Variants in SEC16A observed in about 807,000 individuals in gnomAD.
SEC16A encodes SEC16 homolog A, endoplasmic reticulum export factor, also known as protein transport protein Sec16A.
Under a neutral mutation model 221.9 loss-of-function variants are expected in SEC16A, and 110 were observed. The observed-to-expected ratio is 0.50, with a 90% CI of 0.42 to 0.58. The LOEUF is 0.58. SEC16A is among the 20% of genes least tolerant of loss of function. The pLI is 0.00. For missense variants in SEC16A, 3,165 were observed against 3,097.8 expected, an observed-to-expected ratio of 1.02 and a Z score of -0.52; for synonymous variants, 1,393 against 1,257.7, an observed-to-expected ratio of 1.11 and a Z score of -2.28.
intron 13 of SEC16A, 39 bp downstream of exon 13, chr9:136,461,138 C>A: frequency 6.6e-7 from 1 of 1,517,842 alleles, no homozygotes; most frequent in Admixed American, 1.9e-5. Context: ...AGGGAGCCAG[C>A]AGGGCTCGCC....
chr9:136,458,424 C>G (rs1261976689), intron 17 of SEC16A, among the ~76,000 whole-genome samples: 2 of 147,418 alleles, frequency 1.4e-5, no homozygotes, highest in Non-Finnish European at 3.0e-5. Context: ...GTCAGGAGAT[C>G]AAGACCATCC....
At chr9:136,478,939 C>T (rs1841988217) in intron 1 of SEC16A, among the ~76,000 whole-genome samples, 109 bp from the exon 2 acceptor site, 1 of 149,018 alleles carries the variant, frequency 6.7e-6, no homozygotes, top group Non-Finnish European at 1.5e-5. Context: ...CTTCATAGGT[C>T]TCCGTTTTTG....
rs1196270981 is a variant in SEC16A, at chr9:136,466,073, A to C, written c.4192T>G (p.Ser1398Ala). 6 of 1,612,756 alleles carry C rather than the reference A, an allele frequency of 3.7e-6. No individual in the cohort carries two copies. The highest frequency in any genetic ancestry group is 4.2e-6 in the Non-Finnish European group (5 of 1,179,238). Reference sequence around the variant, plus strand: ...CCGTAGGCAAAATCGCCGTGAAAGGAGCCTGGAGGAAGCGGGGCCTCGTAG... The same window carrying C: ...CCGTAGGCAAAATCGCCGTGAAAGGCGCCTGGAGGAAGCGGGGCCTCGTAG... ...GSYEAPLPPG[S>A]FHGDFAYGTY... The change falls in exon 8 of 32, where the codon TCC (serine) becomes GCC (alanine). Residue 1398 changes from serine to alanine, a missense_variant. Physicochemically the swap from Ser to Ala is moderately conservative, Grantham distance 99. This residue lies in a region of SEC16A where 2,030 missense variants were observed against 1,923.1 expected (regional missense o/e 1.06). Transcript: ENST00000684901. This position sits in a 1 kb window ranked among gnomAD's most constrained non-coding sequence, Gnocchi z 5.5.
intron 17 of SEC16A, among the ~76,000 whole-genome samples, chr9:136,458,830 G>A (rs531984119): frequency 6.6e-6 from 1 of 152,070 alleles, no homozygotes; most frequent in Non-Finnish European, 1.5e-5. Flanking sequence ...GGAGGCTGAG[G>A]TGAATCACTT....
intron 2 of SEC16A, among the ~76,000 whole-genome samples, chr9:136,477,993 C>G (rs1841870121): frequency 6.6e-6 from 1 of 152,196 alleles, no homozygotes; most frequent in Non-Finnish European, 1.5e-5. Flanking sequence ...ACCCGCGCCA[C>G]AACAACAGGG....
At chr9:136,441,963 T>C in intron 31 of SEC16A, 140 bp from the exon 32 acceptor site, 4 of 720,860 alleles carry the variant, frequency 5.5e-6, no homozygotes, top group African/African-American at 5.3e-5. Flanking sequence ...TCGTTTTTGT[T>C]TCCAAAAGCC....
intron 18 of SEC16A, among the ~76,000 whole-genome samples, chr9:136,456,773 C>T (rs948443303): frequency 3.3e-5 from 5 of 152,202 alleles, no homozygotes; most frequent in Non-Finnish European, 7.3e-5. Context: ...GTTTTACAGG[C>T]GAAGAAACTG....
upstream of SEC16A, chr9:136,483,945 C>A (rs1164565534): frequency 3.7e-6 from 1 of 273,784 alleles, no homozygotes; most frequent in Non-Finnish European, 5.6e-6. Flanking sequence ...CCCTGGCCAG[C>A]GTCCTGGGGT....
At position 136,474,130 on chromosome 9, in the gene SEC16A, G is replaced by A. The variant is rs781273992; in HGVS notation, c.3486C>T (p.Tyr1162=). ...PPQDLAAYYY[Y]RPLYDAYQPQ... Reference sequence around the variant, plus strand: ...GCTGGTAGGCATCGTACAAAGGCCGGTAGTAGTAGTAGGCGGCCAGGTCCT... The same window carrying A: ...GCTGGTAGGCATCGTACAAAGGCCGATAGTAGTAGTAGGCGGCCAGGTCCT... Residue 1162 remains tyrosine, a synonymous_variant, in exon 3 of 32, where the codon TAC becomes TAT. Coordinates refer to ENST00000684901, the MANE Select transcript of SEC16A (RefSeq NM_014866.2). The A allele has an allele frequency of 1.9e-6, 3 of 1,612,826 alleles. No individual in the cohort carries two copies. Among genetic ancestry groups the A allele is most frequent in the South Asian group, 2.2e-5 (2 of 91,032 alleles).
chr9:136,459,201 T>C lies in SEC16A; in HGVS notation c.5342A>G (p.Gln1781Arg). The C allele has an allele frequency of 1.2e-6, 2 of 1,613,926 alleles. No individual in the cohort carries two copies. Among genetic ancestry groups the C allele is most frequent in the Non-Finnish European group, 1.7e-6 (2 of 1,179,808 alleles). Residue 1781 changes from glutamine to arginine, a missense_variant, in exon 17 of 32, where the codon CAG becomes CGG. Physicochemically the swap from Gln to Arg is conservative, Grantham distance 43. This residue lies in a region of SEC16A where 1,088 missense variants were observed against 1,089.6 expected (regional missense o/e 1.00). Transcript: ENST00000684901. The surrounding 1 kb of genome is among the most constrained non-coding windows in gnomAD (Gnocchi z 6.1). ...GGCGTACTCATAGGCTTCCGTCCTC[T>C]GGATTGCTTCGTTGGTTGCGAACTT... is the stretch of plus-strand genomic sequence containing the variant. Reference protein sequence around the residue: ...FLKFATNEAIQRTEAYEYAQS... With the variant: ...FLKFATNEAIRRTEAYEYAQS...
In SEC16A at chr9:136,474,211, C is replaced by T. The variant is rs772557482; in HGVS notation, c.3405G>A (p.Pro1135=). The change falls in exon 3 of 32, where the codon CCG becomes CCA. Residue 1135 remains proline, a synonymous_variant. Transcript: ENST00000684901. ...CTGGCTGTGGCCACGGCTGCTCTGA[C>T]GGCACAGCTGCCTGGCCGGAGCCAC... ...VSSGSGQAAV[P]SEQPWPQPVP... The T allele has an allele frequency of 3.1e-5, 50 of 1,610,950 alleles. No homozygotes were observed. The highest frequency in any genetic ancestry group is 1.5e-4 in the African/African-American group (11 of 74,900).
chr9:136,466,780 G>A lies in SEC16A; in HGVS notation c.3929+177C>T, dbSNP rs1202342458. On this transcript the variant is annotated intron_variant, in intron 6 of 31. Transcript: ENST00000684901. The surrounding 1 kb of genome is among the most constrained non-coding windows in gnomAD (Gnocchi z 5.5). ...GGCCAGTTCTCCTCTAACAGTCCAA[G>A]CTGGGAACCCTGGGAGGGTCTGCTC... 1.3e-5 allele frequency among the ~76,000 whole-genome samples: 2 copies of A among 152,220 alleles called. No homozygotes were observed. The highest frequency in any genetic ancestry group is 2.9e-5 in the Non-Finnish European group (2 of 68,038).
chr9:136,466,457 T>C lies in SEC16A; in HGVS notation c.3935A>G (p.Glu1312Gly). The C allele has an allele frequency of 6.2e-7, 1 of 1,602,922 alleles. No individual in the cohort carries two copies. The highest frequency in any genetic ancestry group is 8.5e-7 in the Non-Finnish European group (1 of 1,174,500). Reference protein sequence around the residue: ...REHSAFGDRPEKRDNNWRYDP... With the variant: ...REHSAFGDRPGKRDNNWRYDP... ...GTACCTCCAGTTGTTGTCACGTTTCTCGGGCCTAGAGGAAGCCGGGGGACA... is the reference window on the plus strand; with the variant it reads ...GTACCTCCAGTTGTTGTCACGTTTCCCGGGCCTAGAGGAAGCCGGGGGACA... The change falls in exon 7 of 32, where the codon GAG (glutamate) becomes GGG (glycine). Residue 1312 changes from glutamate to glycine, a missense_variant. By Grantham distance (98) the Glu-to-Gly change is moderately conservative (BLOSUM62 -2). Coordinates refer to ENST00000684901, the MANE Select transcript of SEC16A (RefSeq NM_014866.2). This position sits in a 1 kb window ranked among gnomAD's most constrained non-coding sequence, Gnocchi z 5.5.
At chr9:136,443,963 G>T in intron 30 of SEC16A, 63 bp from the exon 31 acceptor site, 1 of 1,196,408 alleles carries the variant, frequency 8.4e-7, no homozygotes, top group Non-Finnish European at 1.2e-6. Flanking sequence ...CACTTCAAGT[G>T]CAGATACAGA....
At position 136,476,852 on chromosome 9, in the gene SEC16A, A is replaced by C. The variant is rs1307416474; in HGVS notation, c.764T>G (p.Ile255Ser). Residue 255 changes from isoleucine (I) to serine (S), a missense_variant, in exon 3 of 32, where the codon ATC becomes AGC. Around this residue, in one of 3 missense-constraint regions of SEC16A, gnomAD observed 2,030 missense variants for 1,923.1 expected, o/e 1.06. Transcript: ENST00000684901. ...TSVPHFPTPS[I>S]LHQGPGHEQH... ...CTCATGACCAGGGCCCTGATGTAGG[A>C]TGGACGGGGTGGGGAAATGAGGAAC... The C allele has an allele frequency of 6.2e-7, 1 of 1,612,092 alleles. No homozygotes were observed. Among genetic ancestry groups the C allele is most frequent in the Admixed American group, 1.7e-5 (1 of 59,978 alleles).
At position 136,475,043 on chromosome 9, in the gene SEC16A, G is replaced by A. The variant is rs769199760; in HGVS notation, c.2573C>T (p.Ser858Phe). The change falls in exon 3 of 32, where the codon TCC (serine) becomes TTC (phenylalanine). Residue 858 changes from serine (S) to phenylalanine (F), a missense_variant. By Grantham distance (155) the Ser-to-Phe change is radical. Transcript: ENST00000684901. The surrounding 1 kb of genome is among the most constrained non-coding windows in gnomAD (Gnocchi z 5.0). ...ATCCCCCACCAAAGCCTCTCTCCAG[G>A]ACTGATTCTTCTCATGAGAGTTCGA... Reference protein sequence around the residue: ...SLSNSHEKNQSWREALVGDRP... With the variant: ...SLSNSHEKNQFWREALVGDRP... The A allele has an allele frequency of 1.2e-6, 2 of 1,613,624 alleles. No homozygotes were observed. Among genetic ancestry groups the A allele is most frequent in the Admixed American group, 1.7e-5 (1 of 59,962 alleles).
At chr9:136,458,166 A>G (rs1245697344) in intron 17 of SEC16A, among the ~76,000 whole-genome samples, 2 of 109,148 alleles carry the variant, frequency 1.8e-5, no homozygotes, top group Admixed American at 2.2e-4. Context: ...ACAGGGTGTT[A>G]TTATGTTGCC....
At chr9:136,473,827 C>T (rs1841228998) in intron 3 of SEC16A, among the ~76,000 whole-genome samples, 1 of 152,202 alleles carries the variant, frequency 6.6e-6, no homozygotes. Flanking sequence ...GATGCTAACG[C>T]GTGGTGTGAA....
At position 136,457,278 on chromosome 9, in the gene SEC16A, A is replaced by C. The variant is rs575899537; in HGVS notation, c.5550+166T>G. On this transcript the variant is annotated intron_variant, in intron 18 of 31. Transcript: ENST00000684901. ...CCTGAGAGTTCCCAGGCTAAGACGC[A>C]AAACACGAAGCCATTCAAAGATCTT... is the stretch of plus-strand genomic sequence containing the variant. Among the ~76,000 whole-genome samples the C allele has an allele frequency of 8.5e-5, 13 of 152,386 alleles. No homozygotes were observed. In the South Asian group the frequency reaches 1.4e-3, roughly 17 times the overall value.
Sources: allele counts gnomAD v4.1 joint callset (sites outside exome capture counted in the v4.1 genomes callset), GRCh38; gene constraint gnomAD v4.1.1; regional missense constraint gnomAD v4.1.1; non-coding constraint Gnocchi (gnomAD v3.1); transcripts MANE v1.5; gene names NCBI Gene and HGNC (gene_info 2026-07-23, HGNC 2026-07-21).